The following ELFN1 variants were observed in gnomAD, a reference collection of about 807,000 sequenced individuals.
ELFN1 encodes the protein extracellular leucine rich repeat and fibronectin type III domain containing 1.
In ELFN1, 6 loss-of-function variants were observed where a neutral mutation model predicts 7.6. The ratio of observed to expected loss-of-function variants is 0.79; its 90% CI spans 0.43 to 1.56. The LOEUF is 1.56. Among genes scored for constraint, ELFN1 ranks in the 40% most tolerant of loss-of-function variants. ELFN1 has a pLI of 0.01. For synonymous variants in ELFN1, 657 were observed against 588.1 expected, an observed-to-expected ratio of 1.12 and a Z score of -1.70; for missense variants, 1,169 against 1,232.2, an observed-to-expected ratio of 0.95 and a Z score of 0.77.
rs191098271 is a variant in ELFN1 at position 1,722,833 on chromosome 7, C to T, written c.-294+13581C>T. Among the ~76,000 whole-genome samples, 6 of 152,160 alleles carry T rather than the reference C, an allele frequency of 3.9e-5. No homozygotes were observed. The East Asian group carries it at 1.2e-3, about 29-fold the overall frequency. On this transcript the variant is annotated intron_variant, in intron 3 of 3. Transcript: ENST00000424383. Reference sequence around the variant, plus strand: ...ATACAATGAATACCTAAATACCCACCCCTTCCCAGCTTAGTCCCTGTGCAA... The same window carrying T: ...ATACAATGAATACCTAAATACCCACTCCTTCCCAGCTTAGTCCCTGTGCAA...
chr7:1,746,306 C>T lies in ELFN1; in HGVS notation c.1710C>T (p.Asn570=). Residue 570 remains asparagine (N), a synonymous_variant, in exon 4 of 4, where the codon AAC becomes AAT. Transcript: ENST00000424383. ...TGGACAAGGTCAACCAGATCATCAA[C>T]AACTGCATCGACGCGCTCAAGTCCG... The part of the protein sequence containing the change: ...KEVDKVNQII[N]NCIDALKSES... 1 of 1,589,466 alleles carries T rather than the reference C, an allele frequency of 6.3e-7. No homozygotes were observed. Among genetic ancestry groups the T allele is most frequent in the Non-Finnish European group, 8.6e-7 (1 of 1,169,114 alleles).
chr7:1,739,782 G>A lies in ELFN1; in HGVS notation c.-293-4522G>A, dbSNP rs915322667. Reference sequence around the variant, plus strand: ...GGGCCCTGGCAGGGCAGAGGTCACCGGTGGCCTTGGTGAGAGCGGCTCAGA... The same window carrying A: ...GGGCCCTGGCAGGGCAGAGGTCACCAGTGGCCTTGGTGAGAGCGGCTCAGA... On this transcript the variant is annotated intron_variant, in intron 3 of 3. Coordinates refer to ENST00000424383, the MANE Select transcript of ELFN1 (RefSeq NM_001128636.4). This position sits in a 1 kb window ranked among gnomAD's most constrained non-coding sequence, Gnocchi z 4.6. Among the ~76,000 whole-genome samples the A allele has an allele frequency of 1.3e-5, 2 of 152,204 alleles. No homozygotes were observed. The highest frequency in any genetic ancestry group is 2.4e-5 in the African/African-American group (1 of 41,444).
intron 3 of ELFN1, among the ~76,000 whole-genome samples, chr7:1,713,714 C>G (rs972850793): frequency 6.6e-6 from 1 of 152,148 alleles, no homozygotes; most frequent in Non-Finnish European, 1.5e-5. Flanking sequence ...TCTGCAAGCC[C>G]CTTCCCCTCC....
At position 1,746,656 on chromosome 7, in the gene ELFN1, C is replaced by T. The variant is rs1320486312; in HGVS notation, c.2060C>T (p.Ala687Val). The change falls in exon 4 of 4, where the codon GCC becomes GTC. Residue 687 changes from alanine (A) to valine (V), a missense_variant. Transcript: ENST00000424383. ...ADAILTVTPAAAVLRAEAEKG... is the reference protein window; with the variant it reads ...ADAILTVTPAVAVLRAEAEKG... ...GCCATCCTCACTGTGACACCCGCGGCCGCCGTGCTGCGGGCCGAGGCCGAG... is the reference window on the plus strand; with the variant it reads ...GCCATCCTCACTGTGACACCCGCGGTCGCCGTGCTGCGGGCCGAGGCCGAG... The T allele has an allele frequency of 2.2e-6, 3 of 1,364,936 alleles. No individual in the cohort carries two copies. Among genetic ancestry groups the T allele is most frequent in the Non-Finnish European group, 2.8e-6 (3 of 1,064,852 alleles). The allele number at this position is 1,364,936 out of a possible 1,614,324, so 84.6% of individuals were successfully genotyped here. A position where few individuals can be genotyped will look rare whatever the true frequency, so the allele number is the denominator to read the frequency against.
intron 2 of ELFN1, among the ~76,000 whole-genome samples, chr7:1,707,937 T>A (rs543033554): frequency 6.6e-5 from 10 of 152,216 alleles, no homozygotes; most frequent in African/African-American, 2.4e-4. Context: ...GGGGGGCCCC[T>A]CCTGGCCCCC....
intron 1 of ELFN1, among the ~76,000 whole-genome samples, chr7:1,676,192 C>G (rs2128574572): frequency 6.6e-6 from 1 of 152,290 alleles, no homozygotes; most frequent in South Asian, 2.1e-4. Context: ...GAGAGGAACC[C>G]CCAGTCTGTT....
At chr7:1,725,672 T>C (rs1472868508) in intron 3 of ELFN1, among the ~76,000 whole-genome samples, 1 of 152,170 alleles carries the variant, frequency 6.6e-6, no homozygotes, top group Non-Finnish European at 1.5e-5. Flanking sequence ...GAGGCAGTAA[T>C]TAGACGCTCC....
rs116318707 is a variant in ELFN1 at position 1,674,949 on chromosome 7, G to A, written c.-549+4595G>A. Among the ~76,000 whole-genome samples, 957 of 152,232 alleles carry A rather than the reference G, an allele frequency of 6.3e-3. 13 individuals are homozygous for A. Among genetic ancestry groups the A allele is most frequent in the African/African-American group, 0.022 (914 of 41,540 alleles). ...ATTTTAAAGATAGGGACACTGAGGC[G>A]CAGACAGGGCAGTGGCCGCAAGCCA... On this transcript the variant is annotated intron_variant, in intron 1 of 3. Transcript: ENST00000424383.
At chr7:1,732,101 G>A (rs1295122229) in intron 3 of ELFN1, among the ~76,000 whole-genome samples, 2 of 152,238 alleles carry the variant, frequency 1.3e-5, no homozygotes, top group African/African-American at 4.8e-5. Context: ...GGTGGAGATA[G>A]ATGGGAATCA....
chr7:1,680,297 A>G (rs1778950642), intron 1 of ELFN1, among the ~76,000 whole-genome samples: 1 of 152,186 alleles, frequency 6.6e-6, no homozygotes, highest in Non-Finnish European at 1.5e-5. Flanking sequence ...ATTTTTGGGA[A>G]GGTACCCCAA....
chr7:1,666,257 A>G (rs999016850), upstream of ELFN1, among the ~76,000 whole-genome samples: 1 of 149,620 alleles, frequency 6.7e-6, no homozygotes. The surrounding 1 kb of genome is among the most constrained non-coding windows in gnomAD (Gnocchi z 7.9). Flanking sequence ...CCCCGCCCCT[A>G]GGGGAGGCAG....
In ELFN1 at chr7:1,675,477, C is replaced by T. The variant is rs550185182; in HGVS notation, c.-549+5123C>T. On this transcript the variant is annotated intron_variant, in intron 1 of 3. Coordinates refer to ENST00000424383, the MANE Select transcript of ELFN1 (RefSeq NM_001128636.4). ...AGCCTGGAGGCTCCCCCGTGTTTACCGACAGATCCGAGTCTTATTTTCAGC... is the reference window on the plus strand; with the variant it reads ...AGCCTGGAGGCTCCCCCGTGTTTACTGACAGATCCGAGTCTTATTTTCAGC... 2.4e-4 allele frequency among the ~76,000 whole-genome samples: 36 copies of T among 152,356 alleles called. 1 individual carries two copies. Among genetic ancestry groups the T allele is most frequent in the African/African-American group, 7.7e-4 (32 of 41,586 alleles).
upstream of ELFN1, among the ~76,000 whole-genome samples, chr7:1,670,158 G>A (rs1035767073): frequency 3.4e-5 from 5 of 147,872 alleles, no homozygotes; most frequent in African/African-American, 1.2e-4. The surrounding 1 kb of genome is among the most constrained non-coding windows in gnomAD (Gnocchi z 6.4). Context: ...AGAGAAGGAG[G>A]GAGGGAGGGA....
At chr7:1,683,021 T>C (rs1436801537) in intron 1 of ELFN1, among the ~76,000 whole-genome samples, 1 of 152,232 alleles carries the variant, frequency 6.6e-6, no homozygotes, top group Admixed American at 6.5e-5. Flanking sequence ...ATTCTACCTA[T>C]ATTTATATGT....
At chr7:1,736,179 G>T (rs916689317) in intron 3 of ELFN1, among the ~76,000 whole-genome samples, 1 of 152,208 alleles carries the variant, frequency 6.6e-6, no homozygotes. Context: ...AGCTGCAGAG[G>T]CAGGCAGACG....
chr7:1,668,697 C>T (rs1583300042), upstream of ELFN1, among the ~76,000 whole-genome samples: 1 of 152,310 alleles, frequency 6.6e-6, no homozygotes, highest in East Asian at 1.9e-4. Context: ...TTCCACAGGC[C>T]CAGGCCTGGC....
chr7:1,746,770 C>G lies in ELFN1; in HGVS notation c.2174C>G (p.Pro725Arg). Residue 725 changes from proline (P) to arginine (R), a missense_variant, in exon 4 of 4, where the codon CCT becomes CGT. Around this residue, in one of 2 missense-constraint regions of ELFN1, gnomAD observed 914 missense variants for 872.6 expected, o/e 1.05. Transcript: ENST00000424383. Reference protein sequence around the residue: ...PPAPPGPPPPPPHEGLGRKAS... With the variant: ...PPAPPGPPPPRPHEGLGRKAS... The stretch of plus-strand genomic sequence containing the variant: ...GCGCCCCCCGGGCCACCGCCGCCGC[C>G]TCCGCACGAGGGCCTGGGGCGCAAG... The G allele has an allele frequency of 6.6e-7, 1 of 1,514,442 alleles. No homozygotes were observed. Among genetic ancestry groups the G allele is most frequent in the Non-Finnish European group, 8.8e-7 (1 of 1,137,402 alleles). The allele number at this position is 1,514,442 out of a possible 1,614,324, so 93.8% of individuals were successfully genotyped here. A position where few individuals can be genotyped will look rare whatever the true frequency, so the allele number is the denominator to read the frequency against.
At chr7:1,715,524 C>A (rs76727540) in intron 3 of ELFN1, among the ~76,000 whole-genome samples, 1 of 152,218 alleles carries the variant, frequency 6.6e-6, no homozygotes, top group African/African-American at 2.4e-5. Context: ...TTCCCCTCCC[C>A]AGCACCTGGG....
chr7:1,667,489 C>T (rs558321064), upstream of ELFN1, among the ~76,000 whole-genome samples: 1 of 152,272 alleles, frequency 6.6e-6, no homozygotes, highest in East Asian at 1.9e-4. The surrounding 1 kb of genome is among the most constrained non-coding windows in gnomAD (Gnocchi z 8.2). Context: ...GTCCCGGCGT[C>T]CCCCCTTCAG....
Sources: allele counts gnomAD v4.1 joint callset (sites outside exome capture counted in the v4.1 genomes callset), GRCh38; gene constraint gnomAD v4.1.1; regional missense constraint gnomAD v4.1.1; non-coding constraint Gnocchi (gnomAD v3.1); transcripts MANE v1.5; gene names NCBI Gene and HGNC (gene_info 2026-07-23, HGNC 2026-07-21).